Variants in AGTR1 observed in about 807,000 individuals in gnomAD.
The protein encoded by AGTR1 is type-1 angiotensin II receptor.
A neutral mutation model predicts 19.4 loss-of-function variants in AGTR1; 16 were observed. The ratio of observed to expected loss-of-function variants is 0.82; its 90% CI spans 0.56 to 1.25. The LOEUF (loss-of-function observed/expected upper bound fraction) is 1.25. AGTR1 is among the 50% of genes most tolerant of loss of function. The pLI, the probability that AGTR1 is intolerant of heterozygous loss-of-function variation, is 0.00. For synonymous variants in AGTR1, 153 were observed against 154.9 expected (o/e 0.99, Z 0.09); for missense variants, 373 against 431.9 (o/e 0.86, Z 1.21).
rs545751404 is a variant in AGTR1, at chr3:148,741,261, T to C, written c.226T>C (p.Cys76Arg). 3 of 1,613,862 alleles carry C rather than the reference T, an allele frequency of 1.9e-6. No homozygotes were observed. The highest frequency in any genetic ancestry group is 2.5e-6 in the Non-Finnish European group (3 of 1,180,024). Residue 76 changes from cysteine (C) to arginine (R), a missense_variant, in exon 3 of 3, where the codon TGC (cysteine) becomes CGC (arginine). Transcript: ENST00000349243. ...FLLNLALADL[C>R]FLLTLPLWAV... ...TTTGAATTTAGCACTGGCTGACTTA[T>C]GCTTTTTACTGACTTTGCCACTATG...
chr3:148,720,711 T>TA (rs1713581684), intron 2 of AGTR1, among the ~76,000 whole-genome samples: 1 of 130,432 alleles, frequency 7.7e-6, no homozygotes, highest in Non-Finnish European at 1.5e-5. Flanking sequence ...ATTATTTTTT[T>TA]ACTCACGTTA....
At chr3:148,722,710 A>G (rs1713717508) in intron 2 of AGTR1, among the ~76,000 whole-genome samples, 1 of 152,156 alleles carries the variant, frequency 6.6e-6, no homozygotes, top group South Asian at 2.1e-4. Context: ...GCACCTTCTG[A>G]GTCAGTTACA....
intron 2 of AGTR1, among the ~76,000 whole-genome samples, chr3:148,740,310 T>C (rs1714798466): frequency 6.6e-6 from 1 of 152,212 alleles, no homozygotes; most frequent in South Asian, 2.1e-4. Flanking sequence ...TCATGCACTT[T>C]TGCTAGACTG....
chr3:148,714,911 A>G (rs1274596578), intron 2 of AGTR1, among the ~76,000 whole-genome samples: 1 of 152,170 alleles, frequency 6.6e-6, no homozygotes, highest in African/African-American at 2.4e-5. Flanking sequence ...CAACATTGCC[A>G]CTAGATTATT....
intron 1 of AGTR1, among the ~76,000 whole-genome samples, chr3:148,705,772 G>A (rs1041059169): frequency 1.5e-4 from 23 of 151,574 alleles, no homozygotes; most frequent in Non-Finnish European, 2.9e-4. Flanking sequence ...ATAGTAGTAA[G>A]TGAAAAAATC....
chr3:148,737,220 C>T (rs1714617882), intron 2 of AGTR1, among the ~76,000 whole-genome samples: 1 of 152,138 alleles, frequency 6.6e-6, no homozygotes, highest in South Asian at 2.1e-4. Flanking sequence ...AGATCCCACA[C>T]CCCCAAGAGC....
intron 1 of AGTR1, among the ~76,000 whole-genome samples, chr3:148,704,677 G>T (rs1418975063): frequency 6.6e-6 from 1 of 152,206 alleles, no homozygotes; most frequent in Admixed American, 6.5e-5. Context: ...TCCCTGAGCT[G>T]TTTCACCCAG....
At chr3:148,712,509 G>T (rs1491002989) in intron 2 of AGTR1, among the ~76,000 whole-genome samples, 2 of 152,112 alleles carry the variant, frequency 1.3e-5, no homozygotes, top group Non-Finnish European at 2.9e-5. Flanking sequence ...CCAGTCAGGG[G>T]GTAAGAGCTG....
intron 2 of AGTR1, among the ~76,000 whole-genome samples, chr3:148,714,388 T>C (rs886340883): frequency 2.6e-5 from 4 of 152,130 alleles, no homozygotes; most frequent in Non-Finnish European, 4.4e-5. Flanking sequence ...TGTGGACATC[T>C]GGGAGAAGAT....
intron 2 of AGTR1, among the ~76,000 whole-genome samples, chr3:148,734,785 T>C (rs1305651101): frequency 1.3e-5 from 2 of 152,172 alleles, no homozygotes; most frequent in Non-Finnish European, 2.9e-5. Context: ...TGCTTCCCTC[T>C]TCGTGGCTGC....
In AGTR1 at chr3:148,741,241, A is replaced by C. The variant is rs1334821430; in HGVS notation, c.206A>C (p.Asn69Thr). The C allele has an allele frequency of 6.2e-7, 1 of 1,613,942 alleles. No individual in the cohort carries two copies. Among genetic ancestry groups the C allele is most frequent in the East Asian group, 2.2e-5 (1 of 44,888 alleles). The change falls in exon 3 of 3, where the codon AAT becomes ACT. Residue 69 changes from asparagine to threonine, a missense_variant. Physicochemically the swap from Asn to Thr is moderately conservative, Grantham distance 65. Transcript: ENST00000349243. ...ACTGTGGCCAGTGTTTTTCTTTTGAATTTAGCACTGGCTGACTTATGCTTT... is the reference window on the plus strand; with the variant it reads ...ACTGTGGCCAGTGTTTTTCTTTTGACTTTAGCACTGGCTGACTTATGCTTT... ...LKTVASVFLL[N>T]LALADLCFLL... is the part of the protein sequence containing the mutation.
chr3:148,713,783 G>C (rs1025876688), intron 2 of AGTR1, among the ~76,000 whole-genome samples: 9 of 152,164 alleles, frequency 5.9e-5, no homozygotes, highest in African/African-American at 2.2e-4. Context: ...GTTTTGTTCA[G>C]ACAGGGCTAT....
At chr3:148,725,776 C>T (rs1305766656) in intron 2 of AGTR1, among the ~76,000 whole-genome samples, 7 of 152,184 alleles carry the variant, frequency 4.6e-5, no homozygotes, top group African/African-American at 1.7e-4. Context: ...AGCCACCACA[C>T]CCGGCCGGAG....
At chr3:148,731,536 A>G (rs1036323545) in intron 2 of AGTR1, 2 of 152,170 alleles carry the variant, frequency 1.3e-5, no homozygotes, top group Admixed American at 6.5e-5. Context: ...CATTTTACTT[A>G]CCCTTGTATT....
At chr3:148,717,525 T>TA (rs1396803592) in intron 2 of AGTR1, among the ~76,000 whole-genome samples, 3 of 152,140 alleles carry the variant, frequency 2.0e-5, no homozygotes, top group East Asian at 1.9e-4. Flanking sequence ...TGCAGCATTT[T>TA]AAAAAAATAT....
chr3:148,720,278 C>T (rs1286449944), intron 2 of AGTR1, among the ~76,000 whole-genome samples: 1 of 152,176 alleles, frequency 6.6e-6, no homozygotes, highest in Non-Finnish European at 1.5e-5. Flanking sequence ...ACCACACACA[C>T]ACACAGAGGC....
intron 2 of AGTR1, among the ~76,000 whole-genome samples, chr3:148,712,937 T>C (rs1278551994): frequency 1.3e-5 from 2 of 152,122 alleles, no homozygotes; most frequent in East Asian, 1.9e-4. Context: ...CAGCTGAGTT[T>C]GGGGCAACTG....
At chr3:148,721,924 C>T (rs1196783738) in intron 2 of AGTR1, among the ~76,000 whole-genome samples, 1 of 152,220 alleles carries the variant, frequency 6.6e-6, no homozygotes, top group Non-Finnish European at 1.5e-5. Flanking sequence ...AGGTAGCATA[C>T]TCAGTAGGTT....
rs768018522 is a variant in AGTR1, at chr3:148,742,200, C to A, written c.*85C>A. 3.2e-6 allele frequency: 5 copies of A among 1,546,446 alleles called. No individual in the cohort carries two copies. Among genetic ancestry groups the A allele is most frequent in the African/African-American group, 2.7e-5 (2 of 73,050 alleles). On this transcript the variant is annotated 3_prime_UTR_variant, in exon 3 of 3. Transcript: ENST00000349243. The stretch of plus-strand genomic sequence containing the variant: ...CTGCAGCACTTCACTACCAAATGAG[C>A]ATTAGCTACTTTTCAGAATTGAAGG...
Sources: allele counts gnomAD v4.1 joint callset (sites outside exome capture counted in the v4.1 genomes callset), GRCh38; gene constraint gnomAD v4.1.1; transcripts MANE v1.5; gene names NCBI Gene and HGNC (gene_info 2026-07-23, HGNC 2026-07-21).